FBXO15: variants seen among roughly 807,000 people sequenced by gnomAD.
FBXO15 encodes F-box only protein 15.
Under a neutral mutation model 49.5 loss-of-function variants are expected in FBXO15, and 30 were observed. The ratio of observed to expected loss-of-function variants is 0.61; its 90% CI spans 0.45 to 0.82. FBXO15 has a LOEUF of 0.82. Ranked by LOEUF, FBXO15 falls within the 40% of genes least tolerant of loss-of-function variation. The probability of loss-of-function intolerance (pLI) is 0.00; values close to 1 mark genes in which losing one functional copy is unlikely to be tolerated. For synonymous variants in FBXO15, 250 were observed against 232.7 expected (o/e 1.07, Z -0.68); for missense variants, 591 against 631.5 (o/e 0.94, Z 0.69).
chr18:74,103,542 G>C (rs1389826123), intron 8 of FBXO15, among the ~76,000 whole-genome samples: 1 of 151,944 alleles, frequency 6.6e-6, no homozygotes, highest in Non-Finnish European at 1.5e-5. Context: ...AAACAGATTT[G>C]ACTCAAATAA....
At chr18:74,117,845 G>A (rs1028490619) in intron 8 of FBXO15, among the ~76,000 whole-genome samples, 1 of 152,250 alleles carries the variant, frequency 6.6e-6, no homozygotes, top group African/African-American at 2.4e-5. Context: ...ACGCTATGCT[G>A]TATTTGTTTG....
chr18:74,090,480 C>T (rs1912975318), intron 8 of FBXO15, among the ~76,000 whole-genome samples: 1 of 151,942 alleles, frequency 6.6e-6, no homozygotes, highest in Non-Finnish European at 1.5e-5. Context: ...TTTCTAGTTC[C>T]TCCAGTTGTG....
At chr18:74,097,046 A>G (rs1239046802) in intron 8 of FBXO15, 1 of 152,308 alleles carries the variant, frequency 6.6e-6, no homozygotes, top group Admixed American at 6.5e-5. Flanking sequence ...AGCCGAGTGA[A>G]ATACTGGGGC....
intron 8 of FBXO15, among the ~76,000 whole-genome samples, chr18:74,090,337 A>T (rs1348970733): frequency 6.6e-6 from 1 of 151,512 alleles, no homozygotes; most frequent in Non-Finnish European, 1.5e-5. Flanking sequence ...GTCTGTCTTA[A>T]TTTTTTCAAA....
chr18:74,103,885 C>T (rs1396575789), intron 8 of FBXO15, among the ~76,000 whole-genome samples: 1 of 152,120 alleles, frequency 6.6e-6, no homozygotes, highest in Admixed American at 6.6e-5. Flanking sequence ...AGGAGTTATT[C>T]AGTCTGGAAG....
intron 8 of FBXO15, among the ~76,000 whole-genome samples, chr18:74,109,058 A>C (rs1426964223): frequency 6.6e-6 from 1 of 152,210 alleles, no homozygotes; most frequent in Non-Finnish European, 1.5e-5. Context: ...TTGTAAAAGA[A>C]GTTCTTCAAA....
At position 74,147,718 on chromosome 18, in the gene FBXO15, C is replaced by G; in HGVS notation, c.68G>C (p.Ser23Thr). 1 of 1,533,082 alleles carries G rather than the reference C, an allele frequency of 6.5e-7. No homozygotes were observed. Among genetic ancestry groups the G allele is most frequent in the Non-Finnish European group, 8.8e-7 (1 of 1,142,132 alleles). The allele number at this position is 1,533,082 out of a possible 1,614,324, so 95.0% of individuals were successfully genotyped here. Residue 23 changes from serine to threonine, a missense_variant, in exon 1 of 10, where the codon AGC (serine) becomes ACC (threonine). Coordinates refer to ENST00000419743, the MANE Select transcript of FBXO15 (RefSeq NM_001142958.2). ...CCCCCGGGCCGCGCCACCGCCCCTG[C>G]TGGGCCCGCGCAGCGTCTGGAGGCC... Reference protein sequence around the residue: ...WLGLQTLRGPSRGGGAARGRA... With the variant: ...WLGLQTLRGPTRGGGAARGRA...
intron 8 of FBXO15, among the ~76,000 whole-genome samples, chr18:74,119,237 A>G (rs892554379): frequency 1.3e-5 from 2 of 152,238 alleles, no homozygotes; most frequent in Non-Finnish European, 2.9e-5. Flanking sequence ...GATCCTGGCC[A>G]ATGCGGCTGA....
At chr18:74,107,183 T>C (rs2145156295) in intron 8 of FBXO15, among the ~76,000 whole-genome samples, 1 of 142,058 alleles carries the variant, frequency 7.0e-6, no homozygotes, top group Admixed American at 7.1e-5. Context: ...GGGTACACAG[T>C]GATATTCTGT....
intron 5 of FBXO15, among the ~76,000 whole-genome samples, chr18:74,128,435 T>C (rs999827769): frequency 3.3e-5 from 5 of 151,862 alleles, no homozygotes; most frequent in South Asian, 2.1e-4. Context: ...GTATCCTCCA[T>C]AGCAAGGACA....
intron 8 of FBXO15, among the ~76,000 whole-genome samples, chr18:74,110,133 T>C (rs1913949170): frequency 6.8e-6 from 1 of 146,476 alleles, no homozygotes; most frequent in African/African-American, 2.5e-5. Flanking sequence ...GTAGTAGTAA[T>C]AATATATTCT....
intron 8 of FBXO15, among the ~76,000 whole-genome samples, chr18:74,121,885 G>C (rs73476528): frequency 0.012 from 1,838 of 152,302 alleles, 39 homozygotes; most frequent in African/African-American, 0.042. Context: ...AGAAATGCTT[G>C]AGTTTGCAAG....
chr18:74,093,267 G>T (rs904609956), intron 8 of FBXO15, among the ~76,000 whole-genome samples: 1 of 149,952 alleles, frequency 6.7e-6, no homozygotes, highest in South Asian at 2.2e-4. Context: ...AAACAATGGG[G>T]GGGGGGTGGC....
At chr18:74,103,289 G>A (rs1913604407) in intron 8 of FBXO15, among the ~76,000 whole-genome samples, 1 of 151,624 alleles carries the variant, frequency 6.6e-6, no homozygotes, top group South Asian at 2.1e-4. Context: ...GTATCAGTGA[G>A]GTAGAAGGCA....
At chr18:74,139,079 C>A (rs1461584607) in intron 2 of FBXO15, among the ~76,000 whole-genome samples, 1 of 152,184 alleles carries the variant, frequency 6.6e-6, no homozygotes, top group African/African-American at 2.4e-5. Context: ...TCTCCCCTCG[C>A]TGGCAAGCTC....
At chr18:74,140,139 ACTTTCT>A in intron 2 of FBXO15, 57 bp downstream of exon 2, 1 of 1,383,766 alleles carries the variant, frequency 7.2e-7, no homozygotes, top group Non-Finnish European at 9.9e-7. Flanking sequence ...CAGCATCATA[ACTTTCT>A]CTAATAACCC....
intron 9 of FBXO15, chr18:74,078,525 T>G (rs1275694382): frequency 6.5e-6 from 1 of 152,746 alleles, no homozygotes; most frequent in Non-Finnish European, 1.5e-5. Flanking sequence ...CGCTCCTTAT[T>G]TCCCATCCTG....
At chr18:74,082,125 A>G in intron 8 of FBXO15, 74 bp from the exon 9 acceptor site, 1 of 1,515,550 alleles carries the variant, frequency 6.6e-7, no homozygotes, top group East Asian at 2.3e-5. Flanking sequence ...TCAGTCGGCG[A>G]CTTTATAAGG....
At chr18:74,084,833 G>A (rs905383992) in intron 8 of FBXO15, among the ~76,000 whole-genome samples, 8 of 151,996 alleles carry the variant, frequency 5.3e-5, no homozygotes, top group South Asian at 2.1e-4. Flanking sequence ...AGTAAAATAC[G>A]GATACAAACA....
Sources: allele counts gnomAD v4.1 joint callset (sites outside exome capture counted in the v4.1 genomes callset), GRCh38; gene constraint gnomAD v4.1.1; transcripts MANE v1.5; gene names NCBI Gene and HGNC (gene_info 2026-07-23, HGNC 2026-07-21).